Variants in ADCK1 observed in about 807,000 individuals in gnomAD.
ADCK1 encodes the protein aarF domain containing kinase 1.
In ADCK1, 41 loss-of-function variants were observed where a neutral mutation model predicts 52.3. The observed-to-expected ratio is 0.78, with a 90% CI of 0.61 to 1.02. ADCK1 has a LOEUF of 1.02. Among genes scored for constraint, ADCK1 ranks in the 50% least tolerant of loss-of-function variants. The probability of loss-of-function intolerance (pLI) is 0.00; values close to 1 mark genes in which losing one functional copy is unlikely to be tolerated. For synonymous variants in ADCK1, 250 were observed against 274.6 expected, an observed-to-expected ratio of 0.91 and a Z score of 0.89; for missense variants, 658 against 679.5, an observed-to-expected ratio of 0.97 and a Z score of 0.35.
At chr14:77,920,523 G>T (rs2084024356) in intron 7 of ADCK1, among the ~76,000 whole-genome samples, 1 of 152,088 alleles carries the variant, frequency 6.6e-6, no homozygotes, top group Non-Finnish European at 1.5e-5. Context: ...GTTAGAAGTT[G>T]GGTAATGTGA....
intron 4 of ADCK1, among the ~76,000 whole-genome samples, chr14:77,859,508 A>C (rs1265083568): frequency 6.6e-6 from 1 of 152,202 alleles, no homozygotes; most frequent in Non-Finnish European, 1.5e-5. Context: ...ACTGTTATTG[A>C]CCTGAAACCT....
chr14:77,803,987 C>A lies in ADCK1; in HGVS notation c.-12+3817C>A, dbSNP rs116142425. ...CACCCTCTCTGCTCCTTGGTTTCCT[C>A]ATTTATACCTGGGGATGGTAATAAT... is the stretch of plus-strand genomic sequence containing the variant. On this transcript the variant is annotated intron_variant, in intron 1 of 10. Coordinates refer to ENST00000238561, the MANE Select transcript of ADCK1 (RefSeq NM_020421.4). 5.8e-3 allele frequency among the ~76,000 whole-genome samples: 886 copies of A among 152,310 alleles called. 15 individuals are homozygous for A. The highest frequency in any genetic ancestry group is 0.02 in the African/African-American group (824 of 41,574).
intron 4 of ADCK1, among the ~76,000 whole-genome samples, chr14:77,870,425 C>A (rs2082752084): frequency 6.6e-6 from 1 of 152,176 alleles, no homozygotes; most frequent in Admixed American, 6.5e-5. Flanking sequence ...GAAGTAAAGT[C>A]AAATCAGCTA....
intron 4 of ADCK1, among the ~76,000 whole-genome samples, chr14:77,872,789 C>T (rs1478123066): frequency 2.0e-5 from 3 of 151,974 alleles, no homozygotes; most frequent in Non-Finnish European, 4.4e-5. Context: ...ATTCTCCTGC[C>T]TCAGCCTCTT....
intron 5 of ADCK1, among the ~76,000 whole-genome samples, chr14:77,898,154 G>A (rs2083451798): frequency 6.6e-6 from 1 of 152,174 alleles, no homozygotes; most frequent in South Asian, 2.1e-4. Context: ...CAGCCACTCA[G>A]GAGGCTGAGG....
chr14:77,883,592 C>A (rs2083081910), intron 4 of ADCK1, among the ~76,000 whole-genome samples: 1 of 152,092 alleles, frequency 6.6e-6, no homozygotes, highest in Non-Finnish European at 1.5e-5. Context: ...CACTAGCAAT[C>A]AATTATCATG....
chr14:77,901,946 A>T (rs918316223), intron 6 of ADCK1, among the ~76,000 whole-genome samples: 2 of 152,096 alleles, frequency 1.3e-5, no homozygotes, highest in Non-Finnish European at 2.9e-5. Context: ...AATGCACGAG[A>T]GGGGTCACCA....
At chr14:77,910,987 G>A (rs1197181834) in intron 7 of ADCK1, among the ~76,000 whole-genome samples, 1 of 152,184 alleles carries the variant, frequency 6.6e-6, no homozygotes, top group Non-Finnish European at 1.5e-5. Context: ...CAGGCCTAGG[G>A]GAGAGTGTTG....
chr14:77,925,404 G>C (rs969158925), intron 8 of ADCK1, among the ~76,000 whole-genome samples: 1 of 152,234 alleles, frequency 6.6e-6, no homozygotes, highest in African/African-American at 2.4e-5. Context: ...GCCTGCAGGG[G>C]AAAGTTTCTG....
At chr14:77,905,711 G>T (rs1420293059) in intron 6 of ADCK1, among the ~76,000 whole-genome samples, 1 of 152,092 alleles carries the variant, frequency 6.6e-6, no homozygotes, top group East Asian at 1.9e-4. Context: ...CACTTTGAGA[G>T]GCTGAGGCAG....
intron 7 of ADCK1, among the ~76,000 whole-genome samples, chr14:77,912,481 GAA>G (rs2083817885): frequency 1.4e-5 from 2 of 141,800 alleles, no homozygotes; most frequent in African/African-American, 5.1e-5. Context: ...TGTGTGTAAT[GAA>G]AGAGTCCACA....
intron 7 of ADCK1, among the ~76,000 whole-genome samples, chr14:77,918,820 C>T (rs927737351): frequency 2.6e-5 from 4 of 152,168 alleles, no homozygotes; most frequent in African/African-American, 9.7e-5. Context: ...ATTAAAGGCA[C>T]AGAGTGGTCA....
intron 6 of ADCK1, among the ~76,000 whole-genome samples, chr14:77,905,304 G>GTTTTTTTTTTTTTTGTTTT (rs2083637365): frequency 1.0e-5 from 1 of 96,278 alleles, no homozygotes; most frequent in Admixed American, 1.2e-4. Flanking sequence ...TTCCTAGCTG[G>GTTTTTTTTTTTTTTGTTTT]TTTTTTTTTT....
rs1415591247 is a variant in ADCK1, at chr14:77,893,723, C to CCCTTCCTT, written c.583-5368_583-5361dup. On this transcript the variant is annotated intron_variant, in intron 5 of 10. Transcript: ENST00000238561. ...CATTCTGTCTACCATCTTGTTTCTT[C>CCCTTCCTT]CCTTCCTTCCTTCCTTTTTTTTTTT... 5.6e-4 allele frequency among the ~76,000 whole-genome samples: 36 copies of CCCTTCCTT among 64,168 alleles called. 1 individual carries two copies. The highest frequency in any genetic ancestry group is 1.7e-3 in the African/African-American group (29 of 16,756). 42.1% of individuals were successfully genotyped at this position (64,168 alleles called of 152,430 possible). A position where few individuals can be genotyped will look rare whatever the true frequency, so the allele number is the denominator to read the frequency against.
At chr14:77,805,684 C>T (rs978963780) in intron 1 of ADCK1, among the ~76,000 whole-genome samples, 3 of 152,088 alleles carry the variant, frequency 2.0e-5, no homozygotes, top group African/African-American at 7.2e-5. Context: ...AGGAATGGCA[C>T]AGAGGCCAGT....
intron 4 of ADCK1, among the ~76,000 whole-genome samples, chr14:77,882,568 C>T (rs2083051239): frequency 6.6e-6 from 1 of 152,230 alleles, no homozygotes; most frequent in African/African-American, 2.4e-5. Context: ...TCAGCCGTCC[C>T]CCATCCTGTG....
intron 2 of ADCK1, among the ~76,000 whole-genome samples, chr14:77,820,810 G>A (rs1358760183): frequency 6.6e-6 from 1 of 151,738 alleles, no homozygotes; most frequent in Non-Finnish European, 1.5e-5. Flanking sequence ...CCAGGCTGGA[G>A]TGCAGTGGTG....
chr14:77,846,777 C>T (rs781327089), intron 3 of ADCK1, among the ~76,000 whole-genome samples: 5 of 152,186 alleles, frequency 3.3e-5, no homozygotes, highest in East Asian at 1.9e-4. Context: ...GTCCCAGACT[C>T]GTTTGGTTGC....
Position 77,899,084 on chromosome 14 carries a change from G to C in ADCK1, c.583-16G>C, listed in dbSNP as rs780762040. Reference sequence around the variant, plus strand: ...ATGCTGTGGGCCAAATGACTGGGGTGCTTGTTGGATTTCAGGTGCTCGTTC... The same window carrying C: ...ATGCTGTGGGCCAAATGACTGGGGTCCTTGTTGGATTTCAGGTGCTCGTTC... On this transcript the variant is annotated splice_polypyrimidine_tract_variant and intron_variant, in intron 5 of 10. Transcript: ENST00000238561. 24 of 1,612,862 alleles carry C rather than the reference G, an allele frequency of 1.5e-5. No individual in the cohort carries two copies. Among genetic ancestry groups the C allele is most frequent in the Non-Finnish European group, 8.5e-7 (1 of 1,179,958 alleles).
Sources: gnomAD v4.1 joint callset for allele counts (sites outside exome capture counted in the v4.1 genomes callset) on GRCh38, gnomAD v4.1.1 for gene constraint, MANE v1.5 for transcripts, NCBI Gene and HGNC (gene_info 2026-07-23, HGNC 2026-07-21) for gene names.